Variants in PANX2 observed in about 807,000 individuals in gnomAD.
PANX2 encodes the protein pannexin-2.
A neutral mutation model predicts 38.7 loss-of-function variants in PANX2; 30 were observed. That is an observed-to-expected ratio of 0.78 (90% confidence interval 0.58 to 1.05). The LOEUF is 1.05. PANX2 is among the 50% of genes least tolerant of loss of function. The probability of loss-of-function intolerance (pLI) is 0.00; values close to 1 mark genes in which losing one functional copy is unlikely to be tolerated. For synonymous variants in PANX2, 539 were observed against 472.1 expected, an observed-to-expected ratio of 1.14 and a Z score of -1.84; for missense variants, 880 against 979.3, an observed-to-expected ratio of 0.90 and a Z score of 1.35.
chr22:50,177,597 C>A lies in PANX2; in HGVS notation c.885C>A (p.Ile295=). The A allele has an allele frequency of 6.2e-7, 1 of 1,612,850 alleles. No homozygotes were observed. The highest frequency in any genetic ancestry group is 8.5e-7 in the Non-Finnish European group (1 of 1,179,962). Residue 295 remains isoleucine, a synonymous_variant, in exon 2 of 3, where the codon ATC becomes ATA. Transcript: ENST00000395842. ...AGCGCATCATCGCGGGCGTGGACAT[C>A]GTGCTGCTGTGCGTCATGAACCTCA... The part of the protein sequence containing the change: ...QLQRIIAGVD[I]VLLCVMNLII...
chr22:50,178,920 T>C lies in PANX2; in HGVS notation c.1691-14T>C, dbSNP rs767438305. 1 of 1,553,134 alleles carries C rather than the reference T, an allele frequency of 6.4e-7. No homozygotes were observed. The highest frequency in any genetic ancestry group is 2.3e-5 in the East Asian group (1 of 44,274). ...AGGATGGTGTGAGATGTCTGTGCTC[T>C]TGGCTGTTTGCAGATGCTCCGCTCC... is the stretch of plus-strand genomic sequence containing the variant. On this transcript the variant is annotated splice_polypyrimidine_tract_variant and intron_variant, in intron 2 of 2. Coordinates refer to ENST00000395842, the MANE Select transcript of PANX2 (RefSeq NM_052839.4).
At chr22:50,173,879 C>T (rs1308378114) in intron 1 of PANX2, among the ~76,000 whole-genome samples, 1 of 152,216 alleles carries the variant, frequency 6.6e-6, no homozygotes, top group Non-Finnish European at 1.5e-5. Flanking sequence ...CTCTGACCCT[C>T]TTAGAAGAAC....
rs1326070867 is a variant in PANX2, at chr22:50,179,269, G to A, written c.2026G>A (p.Glu676Lys). The A allele has an allele frequency of 6.2e-7, 1 of 1,612,226 alleles. No individual in the cohort carries two copies. The highest frequency in any genetic ancestry group is 8.5e-7 in the Non-Finnish European group (1 of 1,179,614). ...GCCGAGAACGGTCGTGAGTACTGTG[G>A]AGTTTTGAGGGATGGCACCGTCCAG... Reference protein sequence around the residue: ...DEPRTVVSTVEF With the variant: ...DEPRTVVSTVKF The change falls in exon 3 of 3, where the codon GAG becomes AAG. Residue 676 changes from glutamate (E) to lysine (K), a missense_variant. Around this residue, in one of 4 missense-constraint regions of PANX2, gnomAD observed 445 missense variants for 404.3 expected, o/e 1.10. Transcript: ENST00000395842.
intron 1 of PANX2, among the ~76,000 whole-genome samples, chr22:50,171,934 C>T (rs1477240027): frequency 1.3e-5 from 2 of 152,234 alleles, no homozygotes; most frequent in African/African-American, 4.8e-5. Context: ...AGATGCCTTG[C>T]CTTAAGGAGT....
intron 1 of PANX2, among the ~76,000 whole-genome samples, chr22:50,175,172 G>A (rs1291733512): frequency 1.3e-5 from 2 of 152,174 alleles, no homozygotes; most frequent in African/African-American, 2.4e-5. Context: ...GTGGGGCTCC[G>A]CACAGTGGGG....
rs777308206 is a variant in PANX2, at chr22:50,179,017, C to A, written c.1774C>A (p.Arg592Ser). The change falls in exon 3 of 3, where the codon CGC becomes AGC. Residue 592 changes from arginine to serine, a missense_variant. Arg to Ser is a moderately radical substitution (Grantham distance 110). This residue lies in a region of PANX2 where 445 missense variants were observed against 404.3 expected (regional missense o/e 1.10). Coordinates refer to ENST00000395842, the MANE Select transcript of PANX2 (RefSeq NM_052839.4). ...GLPSGGPFHV[R>S]SPPAAPAVAP... The stretch of plus-strand genomic sequence containing the variant: ...TCCCTCGGGGGGCCCGTTCCACGTC[C>A]GCTCACCTCCCGCCGCCCCTGCTGT... The A allele has an allele frequency of 3.7e-6, 6 of 1,610,448 alleles. No homozygotes were observed. The Admixed American group carries it at 6.7e-5, about 18-fold the overall frequency.
rs1226456227 is a variant in PANX2 at position 50,178,997 on chromosome 22, C to T, written c.1754C>T (p.Ser585Leu). Residue 585 changes from serine (S) to leucine (L), a missense_variant, in exon 3 of 3, where the codon TCG becomes TTG. Physicochemically the swap from Ser to Leu is moderately radical, Grantham distance 145. Coordinates refer to ENST00000395842, the MANE Select transcript of PANX2 (RefSeq NM_052839.4). The stretch of plus-strand genomic sequence containing the variant: ...GAGCCAGCCCGGGCAGGGCTTCCCT[C>T]GGGGGGCCCGTTCCACGTCCGCTCA... ...PTEPARAGLP[S>L]GGPFHVRSPP... 3 of 1,609,078 alleles carry T rather than the reference C, an allele frequency of 1.9e-6. No individual in the cohort carries two copies. The highest frequency in any genetic ancestry group is 2.5e-6 in the Non-Finnish European group (3 of 1,177,928).
At chr22:50,175,539 G>C in intron 1 of PANX2, 4 of 981,084 alleles carry the variant, frequency 4.1e-6, no homozygotes, top group Non-Finnish European at 5.6e-6. Context: ...GCCTTGTCCG[G>C]TTTGCTCTTC....
In PANX2 at chr22:50,179,231, C is replaced by A; in HGVS notation, c.1988C>A (p.Ala663Asp). Residue 663 changes from alanine to aspartate, a missense_variant, in exon 3 of 3, where the codon GCC becomes GAC. Coordinates refer to ENST00000395842, the MANE Select transcript of PANX2 (RefSeq NM_052839.4). ...CCTGCCCCACAGCAGATCCTCATCGCCACCTTCGACGAGCCGAGAACGGTC... is the reference window on the plus strand; with the variant it reads ...CCTGCCCCACAGCAGATCCTCATCGACACCTTCGACGAGCCGAGAACGGTC... ...AIPAPQQILI[A>D]TFDEPRTVVS... The A allele has an allele frequency of 6.2e-7, 1 of 1,612,722 alleles. No homozygotes were observed. Among genetic ancestry groups the A allele is most frequent in the Non-Finnish European group, 8.5e-7 (1 of 1,179,902 alleles).
At chr22:50,175,819 C>T (rs1201925865) in intron 1 of PANX2, among the ~76,000 whole-genome samples, 5 of 152,266 alleles carry the variant, frequency 3.3e-5, no homozygotes, top group African/African-American at 1.2e-4. Context: ...TGCCCAGCCC[C>T]TGGGCCCCTG....
In PANX2 at chr22:50,175,434, T is replaced by C; in HGVS notation, c.227-1505T>C. ...CCTGTCCCTGTTCTCTTCCCCAGGG[T>C]GGACGCTCTTCTCTGGCTCCTGGGA... is the stretch of plus-strand genomic sequence containing the variant. On this transcript the variant is annotated intron_variant, in intron 1 of 2. Coordinates refer to ENST00000395842, the MANE Select transcript of PANX2 (RefSeq NM_052839.4). 2.3e-6 allele frequency: 3 copies of C among 1,298,888 alleles called. No homozygotes were observed. In the South Asian group the frequency reaches 3.7e-5, roughly 16 times the overall value. The allele number at this position is 1,298,888 out of a possible 1,614,324, so 80.5% of individuals were successfully genotyped here.
At chr22:50,175,339 C>T in intron 1 of PANX2, 1 of 492,250 alleles carries the variant, frequency 2.0e-6, no homozygotes, top group Admixed American at 3.6e-5. Context: ...CCTCTCCCCA[C>T]CCATGTTGGC....
intron 2 of PANX2, 34 bp downstream of exon 2, chr22:50,178,436 C>G: frequency 7.8e-7 from 1 of 1,278,504 alleles, no homozygotes; most frequent in Non-Finnish European, 1.0e-6. Context: ...GGACGGGGGA[C>G]TGGGGGTGGG....
At chr22:50,175,849 G>T (rs1333045627) in intron 1 of PANX2, among the ~76,000 whole-genome samples, 1 of 152,274 alleles carries the variant, frequency 6.6e-6, no homozygotes, top group Non-Finnish European at 1.5e-5. Flanking sequence ...AACAGTGAAT[G>T]CTGCTCTTCC....
At position 50,177,916 on chromosome 22, in the gene PANX2, G is replaced by T; in HGVS notation, c.1204G>T (p.Val402Leu). 3 of 1,530,134 alleles carry T rather than the reference G, an allele frequency of 2.0e-6. No homozygotes were observed. The highest frequency in any genetic ancestry group is 1.2e-5 in the South Asian group (1 of 84,118). The allele number at this position is 1,530,134 out of a possible 1,614,324, so 94.8% of individuals were successfully genotyped here. ...CACCCCCACGGTGCGCGACTCGGGG[G>T]TGCAGACCGTGGACCCCAGCGCCAA... ...DATPTVRDSG[V>L]QTVDPSANPA... The change falls in exon 2 of 3, where the codon GTG (valine) becomes TTG (leucine). Residue 402 changes from valine to leucine, a missense_variant. Val to Leu is a conservative substitution (Grantham distance 32, BLOSUM62 1). Transcript: ENST00000395842.
rs1392712812 is a variant in PANX2 at position 50,177,609 on chromosome 22, C to T, written c.897C>T (p.Cys299=). 5.0e-6 allele frequency: 8 copies of T among 1,612,938 alleles called. No individual in the cohort carries two copies. The highest frequency in any genetic ancestry group is 6.8e-6 in the Non-Finnish European group (8 of 1,179,976). Residue 299 remains cysteine (C), a synonymous_variant, in exon 2 of 3, where the codon TGC becomes TGT. Coordinates refer to ENST00000395842, the MANE Select transcript of PANX2 (RefSeq NM_052839.4). ...CGGGCGTGGACATCGTGCTGCTGTG[C>T]GTCATGAACCTCATCATCCTCGTCA... ...IIAGVDIVLL[C]VMNLIILVNL...
Position 50,177,948 on chromosome 22 carries a change from C to A in PANX2, c.1236C>A (p.Ala412=), listed in dbSNP as rs779250420. ...VQTVDPSANP[A]EPDGAAEPPV... ...CCGTGGACCCCAGCGCCAACCCCGC[C>A]GAGCCCGACGGCGCCGCCGAGCCGC... Residue 412 remains alanine, a synonymous_variant, in exon 2 of 3, where the codon GCC becomes GCA. Coordinates refer to ENST00000395842, the MANE Select transcript of PANX2 (RefSeq NM_052839.4). 3.3e-6 allele frequency: 5 copies of A among 1,532,734 alleles called. No individual in the cohort carries two copies. The highest frequency in any genetic ancestry group is 4.9e-5 in the East Asian group (2 of 40,436). 94.9% of individuals were successfully genotyped at this position (1,532,734 alleles called of 1,614,324 possible).
At chr22:50,173,051 C>T (rs932428811) in intron 1 of PANX2, among the ~76,000 whole-genome samples, 12 of 152,222 alleles carry the variant, frequency 7.9e-5, no homozygotes, top group African/African-American at 1.4e-4. Flanking sequence ...CGCCCGCCAC[C>T]ATGCCCGGCT....
chr22:50,175,948 G>C (rs1300576509), intron 1 of PANX2, among the ~76,000 whole-genome samples: 1 of 152,262 alleles, frequency 6.6e-6, no homozygotes, highest in African/African-American at 2.4e-5. Flanking sequence ...TGTTGCTTCT[G>C]GTCTGTGGGG....
Sources: gnomAD v4.1 joint callset for allele counts (sites outside exome capture counted in the v4.1 genomes callset) on GRCh38, gnomAD v4.1.1 for gene constraint, gnomAD v4.1.1 regional missense constraint, MANE v1.5 for transcripts, NCBI Gene and HGNC (gene_info 2026-07-23, HGNC 2026-07-21) for gene names.